DOCK10: variants seen among roughly 807,000 people sequenced by gnomAD.
The protein encoded by DOCK10 is dedicator of cytokinesis 10.
In DOCK10, 145 loss-of-function variants were observed where a neutral mutation model predicts 280.1. The ratio of observed to expected loss-of-function variants is 0.52; its 90% CI spans 0.45 to 0.59. The LOEUF is 0.59. Among genes scored for constraint, DOCK10 ranks in the 20% least tolerant of loss-of-function variants. The pLI, the probability that DOCK10 is intolerant of heterozygous loss-of-function variation, is 0.00. For synonymous variants in DOCK10, 915 were observed against 942.2 expected, an observed-to-expected ratio of 0.97 and a Z score of 0.53; for missense variants, 2,368 against 2,651.7, an observed-to-expected ratio of 0.89 and a Z score of 2.35.
At chr2:224,968,421 C>A (rs1230994491) in intron 1 of DOCK10, among the ~76,000 whole-genome samples, 3 of 152,246 alleles carry the variant, frequency 2.0e-5, no homozygotes, top group Non-Finnish European at 4.4e-5. Context: ...TCATCTCCTG[C>A]AACCTCCCCA....
chr2:224,944,615 G>A (rs1218717567), intron 1 of DOCK10, among the ~76,000 whole-genome samples: 1 of 152,184 alleles, frequency 6.6e-6, no homozygotes, highest in East Asian at 1.9e-4. Flanking sequence ...TCATATAGAT[G>A]GCAGGTGAGA....
intron 1 of DOCK10, among the ~76,000 whole-genome samples, chr2:224,983,136 G>C (rs1202567566): frequency 1.3e-5 from 2 of 152,148 alleles, no homozygotes; most frequent in African/African-American, 2.4e-5. Flanking sequence ...AGCAAGCTCC[G>C]CCAAGCTGAC....
intron 50 of DOCK10, among the ~76,000 whole-genome samples, chr2:224,780,404 A>C (rs1194670831): frequency 6.6e-6 from 1 of 152,228 alleles, no homozygotes; most frequent in Admixed American, 6.5e-5. Context: ...CTTTCAGGCG[A>C]ATCCTCATGG....
intron 23 of DOCK10, among the ~76,000 whole-genome samples, chr2:224,841,029 G>T (rs1695927707): frequency 6.6e-6 from 1 of 152,138 alleles, no homozygotes. Flanking sequence ...AATACCGCAT[G>T]ATCTCATTTA....
intron 3 of DOCK10, among the ~76,000 whole-genome samples, chr2:224,910,541 C>T (rs11682546): frequency 0.57 from 86,715 of 152,056 alleles, 25,493 homozygotes; most frequent in Non-Finnish European, 0.64. Flanking sequence ...GACATAGTTT[C>T]CTTGTTATTA....
chr2:224,942,720 T>C (rs985176432), intron 1 of DOCK10, among the ~76,000 whole-genome samples: 1 of 152,196 alleles, frequency 6.6e-6, no homozygotes, highest in Non-Finnish European at 1.5e-5. Flanking sequence ...TTAAAGCTAT[T>C]CAGATTATAT....
rs1225344317 is a variant in DOCK10 at position 224,805,139 on chromosome 2, C to G, written c.4052-15G>C. The G allele has an allele frequency of 5.6e-6, 9 of 1,609,006 alleles. No individual in the cohort carries two copies. The highest frequency in any genetic ancestry group is 6.8e-6 in the Non-Finnish European group (8 of 1,178,216). ...AATCAGAGTCTCTAAAAGGAAACAC[C>G]AGGTAGTATGAGAATCTGAAGGTTT... On this transcript the variant is annotated splice_polypyrimidine_tract_variant and intron_variant, in intron 36 of 55. Coordinates refer to ENST00000258390, the MANE Select transcript of DOCK10 (RefSeq NM_014689.3). This position sits in a 1 kb window ranked among gnomAD's most constrained non-coding sequence, Gnocchi z 4.3.
At chr2:225,039,747 T>A (rs1690366013) in intron 1 of DOCK10, among the ~76,000 whole-genome samples, 1 of 152,156 alleles carries the variant, frequency 6.6e-6, no homozygotes, top group African/African-American at 2.4e-5. Flanking sequence ...AAGAAAACTA[T>A]CTTGTTAACC....
At position 224,800,163 on chromosome 2, in the gene DOCK10, T is replaced by C. The variant is rs755873120; in HGVS notation, c.4494A>G (p.Thr1498=). The C allele has an allele frequency of 6.2e-7, 1 of 1,602,364 alleles. No homozygotes were observed. The highest frequency in any genetic ancestry group is 8.5e-7 in the Non-Finnish European group (1 of 1,170,566). ...TCATCATATTCACCTGATGAGTCTG[T>C]GTGAAGAGGGATAACAGGTCCAGAA... is the stretch of plus-strand genomic sequence containing the variant. ...LTILDLLSLF[T]QTHQRQLQQC... is the part of the protein sequence containing the mutation. Residue 1498 remains threonine, a synonymous_variant, in exon 41 of 56, where the codon ACA becomes ACG. Transcript: ENST00000258390.
rs377663142 is a variant in DOCK10, at chr2:224,840,075, G to A, written c.2662-3C>T. On this transcript the variant is annotated splice_region_variant and splice_polypyrimidine_tract_variant and intron_variant, in intron 23 of 55. Transcript: ENST00000258390. ...ATCTTTTCCACATTCAATAAGTTCT[G>A]TAGTAAATTGGCAGAAAAAAAGGAT... is the stretch of plus-strand genomic sequence containing the variant. The A allele has an allele frequency of 7.0e-6, 10 of 1,431,870 alleles. No homozygotes were observed. Among genetic ancestry groups the A allele is most frequent in the African/African-American group, 1.4e-5 (1 of 70,918 alleles). 88.7% of individuals were successfully genotyped at this position (1,431,870 alleles called of 1,614,324 possible). A position where few individuals can be genotyped will look rare whatever the true frequency, so the allele number is the denominator to read the frequency against.
Position 224,797,000 on chromosome 2 carries a change from A to C in DOCK10, c.4791T>G (p.Phe1597Leu). 1.9e-6 allele frequency: 3 copies of C among 1,613,354 alleles called. No individual in the cohort carries two copies. Among genetic ancestry groups the C allele is most frequent in the South Asian group, 1.1e-5 (1 of 90,952 alleles). Residue 1597 changes from phenylalanine (F) to leucine (L), a missense_variant, in exon 43 of 56, where the codon TTT becomes TTG. By Grantham distance (22) the Phe-to-Leu change is conservative. Around this residue, in one of 2 missense-constraint regions of DOCK10, gnomAD observed 1,159 missense variants for 1,400.8 expected, o/e 0.83. Coordinates refer to ENST00000258390, the MANE Select transcript of DOCK10 (RefSeq NM_014689.3). The part of the protein sequence containing the change: ...LYFFMRKNFE[F>L]NKQKSIVRSH... ...ACCGGACAATTGACTTCTGCTTGTT[A>C]AATTCAAAATTCTTCCTCATGAAAA...
At chr2:225,028,913 A>G (rs1025423086) in intron 1 of DOCK10, among the ~76,000 whole-genome samples, 1 of 152,256 alleles carries the variant, frequency 6.6e-6, no homozygotes, top group Non-Finnish European at 1.5e-5. Flanking sequence ...GCCCAGGTTA[A>G]GCGAATGTGT....
chr2:225,019,242 G>A (rs1038049422), intron 1 of DOCK10, among the ~76,000 whole-genome samples: 1 of 151,914 alleles, frequency 6.6e-6, no homozygotes, highest in African/African-American at 2.4e-5. Flanking sequence ...ATCCTGTGTG[G>A]GATCTTGAAT....
intron 1 of DOCK10, among the ~76,000 whole-genome samples, chr2:225,029,507 C>G (rs928104697): frequency 8.5e-5 from 13 of 152,132 alleles, no homozygotes; most frequent in African/African-American, 2.2e-4. Flanking sequence ...TCTTTCAGGT[C>G]TAAATGTTTA....
intron 25 of DOCK10, 159 bp downstream of exon 25, chr2:224,837,601 CAA>C (rs1695672352): frequency 8.2e-6 from 5 of 606,670 alleles, no homozygotes; most frequent in Non-Finnish European, 1.5e-5. Context: ...CCCATTAATG[CAA>C]AGAGATGGAA....
At chr2:224,885,832 A>G (rs1299437226) in intron 6 of DOCK10, 27 bp from the exon 7 acceptor site, 10 of 1,604,632 alleles carry the variant, frequency 6.2e-6, no homozygotes, top group Non-Finnish European at 6.8e-6. Context: ...ATATAAGGAG[A>G]TATTCAAATT....
chr2:224,801,382 G>T (rs1693004174), intron 40 of DOCK10, among the ~76,000 whole-genome samples: 1 of 151,378 alleles, frequency 6.6e-6, no homozygotes, highest in Admixed American at 6.6e-5. Flanking sequence ...TGGAAAGTAA[G>T]CCATGTTATA....
intron 14 of DOCK10, chr2:224,862,363 C>G (rs891563037): frequency 3.1e-5 from 7 of 225,794 alleles, no homozygotes; most frequent in African/African-American, 6.8e-5. Flanking sequence ...TTTGTTAAGT[C>G]AAATATACAT....
chr2:224,857,074 T>C (rs1171722974), intron 14 of DOCK10, 92 bp from the exon 15 acceptor site: 2 of 1,077,850 alleles, frequency 1.9e-6, no homozygotes, highest in African/African-American at 1.6e-5. Flanking sequence ...TTCTCATTTA[T>C]AATCAGAGAA....
Sources: gnomAD v4.1 joint callset for allele counts (sites outside exome capture counted in the v4.1 genomes callset) on GRCh38, gnomAD v4.1.1 for gene constraint, gnomAD v4.1.1 regional missense constraint, Gnocchi (gnomAD v3.1) non-coding constraint, MANE v1.5 for transcripts, NCBI Gene and HGNC (gene_info 2026-07-23, HGNC 2026-07-21) for gene names.